Variants in KIF5A observed in about 807,000 individuals in gnomAD.
KIF5A encodes kinesin family member 5A.
KIF5A carries 35 observed loss-of-function variants against 141.3 expected under a neutral mutation model. The observed-to-expected ratio is 0.25, with a 90% confidence interval of 0.19 to 0.33. KIF5A has a LOEUF of 0.33. Among genes scored for constraint, KIF5A ranks in the 10% least tolerant of loss-of-function variants. KIF5A has a pLI of 1.00. For missense variants in KIF5A, 861 were observed against 1,314.3 expected, an observed-to-expected ratio of 0.66 and a Z score of 5.33; for synonymous variants, 448 against 500.2, an observed-to-expected ratio of 0.90 and a Z score of 1.39.
At position 57,577,731 on chromosome 12, in the gene KIF5A, T is replaced by C; in HGVS notation, c.2319T>C (p.His773=). ...LQELTFLYER[H]EQSKQDLKGL... is the part of the protein sequence containing the mutation. The stretch of plus-strand genomic sequence containing the variant: ...GCTACAGATTTCTGTACGAGCGACA[T>C]GAGCAGTCCAAGCAGGACCTCAAGG... The change falls in exon 21 of 29, where the codon CAT becomes CAC. Residue 773 remains histidine (H), a synonymous_variant. Transcript: ENST00000455537. The C allele has an allele frequency of 6.2e-7, 1 of 1,614,042 alleles. No homozygotes were observed. Among genetic ancestry groups the C allele is most frequent in the Non-Finnish European group, 8.5e-7 (1 of 1,179,918 alleles).
intron 12 of KIF5A, 105 bp downstream of exon 12, chr12:57,570,267 A>G: frequency 1.1e-6 from 1 of 948,494 alleles, no homozygotes; most frequent in Non-Finnish European, 1.6e-6. Flanking sequence ...AAAGGGATAA[A>G]TGCTTATGCT....
At position 57,572,495 on chromosome 12, in the gene KIF5A, C is replaced by T; in HGVS notation, c.1570-85C>T. On this transcript the variant is annotated intron_variant, in intron 14 of 28. Transcript: ENST00000455537. The surrounding 1 kb of genome is among the most constrained non-coding windows in gnomAD (Gnocchi z 4.2). ...TTCTCTTCATAGCAGCCCTCAGGGT[C>T]TTGCATGAAGGGAGAGGCCTCTGCC... 6.4e-7 allele frequency: 1 copy of T among 1,568,746 alleles called. No individual in the cohort carries two copies. The highest frequency in any genetic ancestry group is 8.7e-7 in the Non-Finnish European group (1 of 1,144,882).
chr12:57,562,807 A>C (rs887883893), intron 1 of KIF5A, among the ~76,000 whole-genome samples: 1 of 151,980 alleles, frequency 6.6e-6, no homozygotes. Flanking sequence ...TTGTTCTTCA[A>C]TTTTCATCAC....
chr12:57,565,668 A>G lies in KIF5A; in HGVS notation c.501+695A>G, dbSNP rs1341693095. Among the ~76,000 whole-genome samples, 5 of 133,020 alleles carry G rather than the reference A, an allele frequency of 3.8e-5. No individual in the cohort carries two copies. The East Asian group carries it at 1.2e-3, about 32-fold the overall frequency. The allele number at this position is 133,020 out of a possible 152,430, so 87.3% of individuals were successfully genotyped here. On this transcript the variant is annotated intron_variant, in intron 6 of 28. Coordinates refer to ENST00000455537, the MANE Select transcript of KIF5A (RefSeq NM_004984.4). ...GAGACAGAGTCTCACTCTGTTGCCC[A>G]GGCTGGAGTGCAGTGGCTCGACCTA...
At chr12:57,557,566 T>C (rs1881783511) in intron 1 of KIF5A, among the ~76,000 whole-genome samples, 1 of 151,670 alleles carries the variant, frequency 6.6e-6, no homozygotes, top group Admixed American at 6.6e-5. Context: ...GTGTTTTTTC[T>C]ACATATATAC....
Position 57,572,415 on chromosome 12 carries a change from C to T in KIF5A, c.1569+148C>T. 8.0e-7 allele frequency: 1 copy of T among 1,251,150 alleles called. No homozygotes were observed. Among genetic ancestry groups the T allele is most frequent in the Non-Finnish European group, 1.1e-6 (1 of 876,974 alleles). The allele number at this position is 1,251,150 out of a possible 1,614,324, so 77.5% of individuals were successfully genotyped here. A position where few individuals can be genotyped will look rare whatever the true frequency, so the allele number is the denominator to read the frequency against. On this transcript the variant is annotated intron_variant, in intron 14 of 28. Transcript: ENST00000455537. This position sits in a 1 kb window ranked among gnomAD's most constrained non-coding sequence, Gnocchi z 4.2. ...TGTGAGTCCCTCCCCAACCCTGTCACTGCACTTTCCCCTCACAGTCCCTCT... is the reference window on the plus strand; with the variant it reads ...TGTGAGTCCCTCCCCAACCCTGTCATTGCACTTTCCCCTCACAGTCCCTCT...
intron 1 of KIF5A, among the ~76,000 whole-genome samples, chr12:57,555,648 C>T (rs1420125090): frequency 6.6e-6 from 1 of 151,672 alleles, no homozygotes; most frequent in African/African-American, 2.4e-5. Flanking sequence ...CGGTGGCTCA[C>T]GCCTATAATC....
Position 57,576,364 on chromosome 12 carries a change from T to C in KIF5A, c.2184T>C (p.Ile728=). ...RDEINEKQKT[I]DELKDLNQKL... Reference sequence around the variant, plus strand: ...AGATCAACGAGAAGCAGAAGACCATTGATGAGCTCAAAGAGTAAGGGTTCC... The same window carrying C: ...AGATCAACGAGAAGCAGAAGACCATCGATGAGCTCAAAGAGTAAGGGTTCC... The change falls in exon 19 of 29, where the codon ATT becomes ATC. Residue 728 remains isoleucine (I), a synonymous_variant. Transcript: ENST00000455537. 6.2e-7 allele frequency: 1 copy of C among 1,613,858 alleles called. No individual in the cohort carries two copies. The highest frequency in any genetic ancestry group is 8.5e-7 in the Non-Finnish European group (1 of 1,179,802).
chr12:57,576,619 T>C, intron 19 of KIF5A, 142 bp from the exon 20 acceptor site: 1 of 740,498 alleles, frequency 1.4e-6, no homozygotes. Context: ...GGCCTGAGTC[T>C]GCCTCTGGTA....
intron 22 of KIF5A, 56 bp from the exon 23 acceptor site, chr12:57,578,182 T>C: frequency 6.3e-7 from 1 of 1,583,592 alleles, no homozygotes; most frequent in Non-Finnish European, 8.7e-7. Context: ...GGCCTGGTCT[T>C]GGTGGGACCT....
At chr12:57,551,402 A>G (rs2140151024) in intron 1 of KIF5A, among the ~76,000 whole-genome samples, 1 of 152,272 alleles carries the variant, frequency 6.6e-6, no homozygotes, top group East Asian at 1.9e-4. Context: ...TGTGACTGCA[A>G]ACCTCCCATC....
chr12:57,564,188 T>C lies in KIF5A; in HGVS notation c.372T>C (p.Asp124=). 6.2e-7 allele frequency: 1 copy of C among 1,612,178 alleles called. No homozygotes were observed. The highest frequency in any genetic ancestry group is 8.5e-7 in the Non-Finnish European group (1 of 1,178,264). The part of the protein sequence containing the change: ...RDIFNHIYSM[D]ENLEFHIKVS... ...TCTTCAACCACATCTACTCCATGGA[T>C]GAGAACCTTGAGTTCCACATCAAGG... The change falls in exon 4 of 29, where the codon GAT becomes GAC. Residue 124 remains aspartate, a synonymous_variant. Coordinates refer to ENST00000455537, the MANE Select transcript of KIF5A (RefSeq NM_004984.4).
At chr12:57,552,404 C>T (rs1881605911) in intron 1 of KIF5A, among the ~76,000 whole-genome samples, 1 of 152,170 alleles carries the variant, frequency 6.6e-6, no homozygotes, top group Non-Finnish European at 1.5e-5. Flanking sequence ...CAGATTCCAT[C>T]TCAGCTCCAC....
At chr12:57,561,682 T>G (rs1565695200) in intron 1 of KIF5A, among the ~76,000 whole-genome samples, 1 of 152,222 alleles carries the variant, frequency 6.6e-6, no homozygotes, top group Non-Finnish European at 1.5e-5. Context: ...CCATTAAAAC[T>G]TTTTAAAATA....
intron 19 of KIF5A, 53 bp from the exon 20 acceptor site, chr12:57,576,708 C>A: frequency 7.6e-7 from 1 of 1,320,698 alleles, no homozygotes; most frequent in Admixed American, 1.7e-5. Flanking sequence ...CCTTCCCTTC[C>A]CCCTCATTAA....
At chr12:57,566,469 C>A (rs966596120) in intron 6 of KIF5A, among the ~76,000 whole-genome samples, 2 of 148,746 alleles carry the variant, frequency 1.3e-5, no homozygotes, top group Non-Finnish European at 3.0e-5. Flanking sequence ...GGTACAGTGG[C>A]GCCCGATCTT....
chr12:57,581,879 C>T lies in KIF5A; in HGVS notation c.2919C>T (p.Asn973=), dbSNP rs776798327. The T allele has an allele frequency of 3.1e-6, 5 of 1,613,900 alleles. No homozygotes were observed. The South Asian group carries it at 4.4e-5, about 14-fold the overall frequency. The change falls in exon 26 of 29, where the codon AAC becomes AAT. Residue 973 remains asparagine, a synonymous_variant. Coordinates refer to ENST00000455537, the MANE Select transcript of KIF5A (RefSeq NM_004984.4). ...PSSTSDMYFA[N]SCTSSGATSS... is the part of the protein sequence containing the mutation. ...CCTCTGCTCCATCCAGCTTTGCAAA[C>T]TCCTGTACCAGCAGTGGAGCCACAT...
intron 1 of KIF5A, among the ~76,000 whole-genome samples, chr12:57,559,563 G>GTA (rs1318093563): frequency 1.3e-5 from 2 of 152,136 alleles, no homozygotes; most frequent in Non-Finnish European, 2.9e-5. Flanking sequence ...TACATACAGT[G>GTA]TACAGATCTT....
intron 1 of KIF5A, among the ~76,000 whole-genome samples, chr12:57,559,473 T>C (rs1013436580): frequency 6.6e-6 from 1 of 152,214 alleles, no homozygotes; most frequent in Non-Finnish European, 1.5e-5. Flanking sequence ...CATTAATTAA[T>C]ATTAATTAAT....
Sources: allele counts gnomAD v4.1 joint callset (sites outside exome capture counted in the v4.1 genomes callset), GRCh38; gene constraint gnomAD v4.1.1; non-coding constraint Gnocchi (gnomAD v3.1); transcripts MANE v1.5; gene names NCBI Gene and HGNC (gene_info 2026-07-23, HGNC 2026-07-21).